Variants in ST18 observed in about 807,000 individuals in gnomAD.
ST18 encodes the protein ST18 C2H2C-type zinc finger transcription factor.
A neutral mutation model predicts 110.0 loss-of-function variants in ST18; 50 were observed. The observed-to-expected ratio is 0.45, with a 90% CI of 0.36 to 0.58. The LOEUF (loss-of-function observed/expected upper bound fraction) is 0.58, where lower values mean the gene tolerates loss of function less well. ST18 is among the 20% of genes least tolerant of loss of function. The pLI is 0.00. For missense variants in ST18, 1,306 were observed against 1,280.1 expected (o/e 1.02, Z -0.31); for synonymous variants, 461 against 452.4 (o/e 1.02, Z -0.24).
At chr8:52,336,662 G>A (rs7006252) in intron 2 of ST18, among the ~76,000 whole-genome samples, 1,893 of 152,344 alleles carry the variant, frequency 0.012, 28 homozygotes, top group African/African-American at 0.044. Context: ...GAGGTTGGGT[G>A]AGATGGGAAG....
intron 3 of ST18, among the ~76,000 whole-genome samples, chr8:52,225,303 T>A (rs2088897975): frequency 6.6e-6 from 1 of 152,216 alleles, no homozygotes. Context: ...TGCATTTAGA[T>A]GCCATTCATG....
At chr8:52,206,989 C>T (rs1283324277) in intron 8 of ST18, among the ~76,000 whole-genome samples, 1 of 152,088 alleles carries the variant, frequency 6.6e-6, no homozygotes, top group East Asian at 1.9e-4. Context: ...TTAGTTATCA[C>T]CTCCAGGAAT....
chr8:52,137,548 G>A, intron 17 of ST18, 65 bp from the exon 18 acceptor site: 1 of 1,534,980 alleles, frequency 6.5e-7, no homozygotes, highest in Non-Finnish European at 9.0e-7. Flanking sequence ...CCTCTGCCCA[G>A]TAGATTACGG....
At chr8:52,135,833 C>T (rs1309160964) in intron 19 of ST18, among the ~76,000 whole-genome samples, 1 of 151,960 alleles carries the variant, frequency 6.6e-6, no homozygotes, top group Admixed American at 6.6e-5. Flanking sequence ...AGACACCAAA[C>T]GCTGATGCTG....
chr8:52,329,963 G>A (rs982018560), intron 2 of ST18, among the ~76,000 whole-genome samples: 7 of 152,264 alleles, frequency 4.6e-5, no homozygotes, highest in African/African-American at 1.7e-4. Flanking sequence ...GTGCTATGGA[G>A]TGCCACGGTG....
At chr8:52,225,412 T>C (rs1453649999) in intron 3 of ST18, among the ~76,000 whole-genome samples, 1 of 152,244 alleles carries the variant, frequency 6.6e-6, no homozygotes, top group African/African-American at 2.4e-5. Flanking sequence ...TGCTTATTTC[T>C]GCCTAGATCA....
chr8:52,177,426 G>A (rs546489617), intron 9 of ST18, among the ~76,000 whole-genome samples: 1 of 152,178 alleles, frequency 6.6e-6, no homozygotes, highest in South Asian at 2.1e-4. Flanking sequence ...TGATATAATT[G>A]GGCACACACC....
intron 11 of ST18, 42 bp from the exon 12 acceptor site, chr8:52,165,267 T>G: frequency 1.3e-6 from 2 of 1,595,790 alleles, no homozygotes; most frequent in Non-Finnish European, 1.7e-6. Context: ...TACTTTACCA[T>G]AAATACAAAG....
intron 2 of ST18, among the ~76,000 whole-genome samples, chr8:52,268,492 T>TATCTATCTATC (rs1554799085): frequency 1.1e-3 from 162 of 151,180 alleles, no homozygotes; most frequent in Non-Finnish European, 1.6e-3. Flanking sequence ...TCTATCTATC[T>TATCTATCTATC]ATCTATCTAT....
chr8:52,300,097 T>C (rs1056326050), intron 2 of ST18, among the ~76,000 whole-genome samples: 3 of 152,260 alleles, frequency 2.0e-5, no homozygotes, highest in African/African-American at 7.2e-5. Flanking sequence ...TTCCTTCTGC[T>C]TATTTAGCTC....
At chr8:52,327,711 A>G (rs1188752594) in intron 2 of ST18, among the ~76,000 whole-genome samples, 3 of 152,182 alleles carry the variant, frequency 2.0e-5, no homozygotes, top group Admixed American at 1.3e-4. Context: ...TTGCTGGACT[A>G]CACCCAGCTG....
intron 2 of ST18, among the ~76,000 whole-genome samples, chr8:52,239,858 A>T (rs2093206242): frequency 6.6e-6 from 1 of 152,052 alleles, no homozygotes; most frequent in Non-Finnish European, 1.5e-5. Flanking sequence ...CAGAGGCATG[A>T]TCATGGCTCA....
At chr8:52,222,947 C>T (rs1564157715) in intron 3 of ST18, among the ~76,000 whole-genome samples, 1 of 152,056 alleles carries the variant, frequency 6.6e-6, no homozygotes, top group Non-Finnish European at 1.5e-5. Flanking sequence ...AATACTTTTG[C>T]ATTGAAACTC....
At chr8:52,383,370 C>T (rs913132927) in intron 2 of ST18, among the ~76,000 whole-genome samples, 2 of 152,172 alleles carry the variant, frequency 1.3e-5, no homozygotes, top group Non-Finnish European at 2.9e-5. Flanking sequence ...ATAATGAACA[C>T]ATAAAATGAT....
chr8:52,198,450 G>C (rs2076900010), intron 8 of ST18, among the ~76,000 whole-genome samples: 1 of 152,126 alleles, frequency 6.6e-6, no homozygotes, highest in South Asian at 2.1e-4. Context: ...CACAGGTTTT[G>C]CTAAATATGA....
At chr8:52,394,388 A>G (rs114985181) in intron 2 of ST18, among the ~76,000 whole-genome samples, 170 of 152,274 alleles carry the variant, frequency 1.1e-3, no homozygotes, top group African/African-American at 3.7e-3. Flanking sequence ...AGGGAAGTGG[A>G]ACTGGGGTAG....
chr8:52,118,324 C>G lies in ST18; in HGVS notation c.2859+14G>C. On this transcript the variant is annotated intron_variant, in intron 24 of 25. Coordinates refer to ENST00000689386, the MANE Select transcript of ST18 (RefSeq NM_001352837.2). ...TGATTACATTAAGGATCATGAATTA[C>G]TTCTTTTTTTTACCTGGGTCTGAAG... is the stretch of plus-strand genomic sequence containing the variant. 6.5e-7 allele frequency: 1 copy of G among 1,543,786 alleles called. No homozygotes were observed.
intron 2 of ST18, among the ~76,000 whole-genome samples, chr8:52,299,671 T>TTC (rs1413983231): frequency 2.0e-5 from 3 of 152,246 alleles, no homozygotes; most frequent in African/African-American, 7.2e-5. Flanking sequence ...AGCCAGTTTT[T>TTC]GTTTGCTCTT....
intron 3 of ST18, among the ~76,000 whole-genome samples, chr8:52,222,985 A>G (rs2087551899): frequency 6.6e-6 from 1 of 152,216 alleles, no homozygotes; most frequent in African/African-American, 2.4e-5. Flanking sequence ...GAATCTTAAA[A>G]AAAGGAAATG....
Sources: gnomAD v4.1 joint callset for allele counts (sites outside exome capture counted in the v4.1 genomes callset) on GRCh38, gnomAD v4.1.1 for gene constraint, MANE v1.5 for transcripts, NCBI Gene and HGNC (gene_info 2026-07-23, HGNC 2026-07-21) for gene names.